The following FAH variants were observed in gnomAD, a reference collection of about 807,000 sequenced individuals.
The protein encoded by FAH is fumarylacetoacetase.
FAH carries 47 observed loss-of-function variants against 55.8 expected under a neutral mutation model. That is an observed-to-expected ratio of 0.84 (90% CI 0.67 to 1.07). The LOEUF is 1.07. Among genes scored for constraint, FAH ranks in the 50% least tolerant of loss-of-function variants. The pLI, the probability that FAH is intolerant of heterozygous loss-of-function variation, is 0.00. For missense variants in FAH, 495 were observed against 545.9 expected, an observed-to-expected ratio of 0.91 and a Z score of 0.93; for synonymous variants, 199 against 207.7, an observed-to-expected ratio of 0.96 and a Z score of 0.36.
At chr15:80,152,918 G>C, upstream of FAH, 1 of 707,330 alleles carries the variant, frequency 1.4e-6, no homozygotes, top group Non-Finnish European at 2.4e-6. Flanking sequence ...AGGAGCCTCC[G>C]GGGTCCCTGC....
At chr15:80,159,245 T>C (rs1490937712) in intron 2 of FAH, among the ~76,000 whole-genome samples, 1 of 151,786 alleles carries the variant, frequency 6.6e-6, no homozygotes, top group Non-Finnish European at 1.5e-5. Flanking sequence ...AAAACAACTT[T>C]TTTTTTTTAA....
At position 80,180,189 on chromosome 15, in the gene FAH, G is replaced by T; in HGVS notation, c.1026G>T (p.Pro342=). 6.2e-7 allele frequency: 1 copy of T among 1,609,298 alleles called. No individual in the cohort carries two copies. Among genetic ancestry groups the T allele is most frequent in the South Asian group, 1.1e-5 (1 of 91,062 alleles). The change falls in exon 12 of 14, where the codon CCG becomes CCT. Residue 342 remains proline (P), a synonymous_variant. Coordinates refer to ENST00000561421, the MANE Select transcript of FAH (RefSeq NM_000137.4). ...CTGTCAACGGCTGCAACCTGCGGCC[G>T]GGGGACCTCCTGGCTTCTGGGACCA... ...HHSVNGCNLR[P]GDLLASGTIS... is the part of the protein sequence containing the mutation.
At chr15:80,173,422 C>T in intron 9 of FAH, 1 of 536,286 alleles carries the variant, frequency 1.9e-6, no homozygotes, top group Non-Finnish European at 3.4e-6. Context: ...GGGGATCTGG[C>T]CAGTTGGCAG....
intron 1 of FAH, among the ~76,000 whole-genome samples, chr15:80,154,973 T>C (rs2041086242): frequency 6.6e-6 from 1 of 152,176 alleles, no homozygotes; most frequent in African/African-American, 2.4e-5. Flanking sequence ...TGGCCTCTGC[T>C]TTCTCCAGCC....
At position 80,173,090 on chromosome 15, in the gene FAH, G is replaced by A. The variant is rs777792671; in HGVS notation, c.783G>A (p.Pro261=). 1.2e-5 allele frequency: 20 copies of A among 1,614,042 alleles called. No homozygotes were observed. Among genetic ancestry groups the A allele is most frequent in the Non-Finnish European group, 1.6e-5 (19 of 1,179,984 alleles). ...AGAGTTTTGGGACCACTGTCTCTCC[G>A]TGGGTGGTGCCCATGGATGCTCTCA... ...LGKSFGTTVS[P]WVVPMDALMP... The change falls in exon 9 of 14, where the codon CCG becomes CCA. Residue 261 remains proline, a synonymous_variant. Coordinates refer to ENST00000561421, the MANE Select transcript of FAH (RefSeq NM_000137.4).
downstream of FAH, chr15:80,186,606 T>G: frequency 3.6e-6 from 1 of 278,226 alleles, no homozygotes; most frequent in Non-Finnish European, 7.0e-6. Context: ...ATTGATTGAT[T>G]GATTTTAAGC....
At chr15:80,172,959 T>C (rs745871490) in intron 8 of FAH, 55 bp from the exon 9 acceptor site, 378 of 1,613,670 alleles carry the variant, frequency 2.3e-4, no homozygotes, top group Non-Finnish European at 3.0e-4. Flanking sequence ...GAGGGGGTCG[T>C]TGGGAGATGC....
At position 80,160,285 on chromosome 15, in the gene FAH, C is replaced by T; in HGVS notation, c.315-125C>T. The T allele has an allele frequency of 3.1e-6, 3 of 979,636 alleles. No individual in the cohort carries two copies. The South Asian group carries it at 3.9e-5, about 13-fold the overall frequency. 60.7% of individuals were successfully genotyped at this position (979,636 alleles called of 1,614,324 possible). On this transcript the variant is annotated intron_variant, in intron 3 of 13. Coordinates refer to ENST00000561421, the MANE Select transcript of FAH (RefSeq NM_000137.4). ...GAAAGGTTCAGCATAGCTCTGGCCC[C>T]AGGCCAGCCAGAAGGTGCCCACTGG...
At chr15:80,183,882 A>G (rs889539687) in intron 13 of FAH, among the ~76,000 whole-genome samples, 1 of 152,222 alleles carries the variant, frequency 6.6e-6, no homozygotes. Context: ...TAAAGGGTAG[A>G]GCCAGGGTTT....
At chr15:80,158,361 G>C (rs1206221413) in intron 2 of FAH, among the ~76,000 whole-genome samples, 191 bp downstream of exon 2, 1 of 152,162 alleles carries the variant, frequency 6.6e-6, no homozygotes, top group Non-Finnish European at 1.5e-5. Flanking sequence ...GACAATTCAG[G>C]GTGGCTTCTC....
At chr15:80,161,787 G>A (rs1412167922) in intron 4 of FAH, among the ~76,000 whole-genome samples, 4 of 152,214 alleles carry the variant, frequency 2.6e-5, no homozygotes, top group Non-Finnish European at 4.4e-5. Flanking sequence ...GGGATTTGGA[G>A]GGGGAAGAGA....
intron 1 of FAH, 138 bp downstream of exon 1, chr15:80,153,273 C>G: frequency 2.7e-6 from 2 of 738,000 alleles, no homozygotes; most frequent in South Asian, 1.5e-5. Context: ...AAGATTCGTT[C>G]CGTGAGAGTG....
At chr15:80,175,531 C>A (rs1279361902) in intron 10 of FAH, among the ~76,000 whole-genome samples, 2 of 152,138 alleles carry the variant, frequency 1.3e-5, no homozygotes, top group African/African-American at 2.4e-5. Context: ...AGAGCCAGCG[C>A]ATCAAGACCC....
intron 13 of FAH, among the ~76,000 whole-genome samples, chr15:80,185,379 G>A (rs1006860993): frequency 2.6e-5 from 4 of 152,230 alleles, no homozygotes; most frequent in African/African-American, 9.6e-5. Context: ...CTGAGGTCTA[G>A]AGGGACCCAA....
intron 2 of FAH, 40 bp downstream of exon 2, chr15:80,158,210 C>T (rs1448566292): frequency 2.2e-6 from 3 of 1,371,528 alleles, no homozygotes; most frequent in Non-Finnish European, 3.1e-6. Flanking sequence ...ACCTCAGTGG[C>T]ACTTACTGTG....
upstream of FAH, chr15:80,152,929 T>C (rs2041063032): frequency 2.0e-5 from 15 of 754,920 alleles, no homozygotes; most frequent in South Asian, 2.0e-4. Context: ...GGGTCCCTGC[T>C]GTGTCACCCG....
chr15:80,172,950 A>AG, intron 8 of FAH, 64 bp from the exon 9 acceptor site: 2 of 1,611,432 alleles, frequency 1.2e-6, no homozygotes, highest in Middle Eastern at 1.7e-4. Flanking sequence ...CAAGGGCAGG[A>AG]GGGGGTCGTT....
intron 8 of FAH, 85 bp downstream of exon 8, chr15:80,172,333 T>C: frequency 9.8e-7 from 1 of 1,020,430 alleles, no homozygotes; most frequent in Non-Finnish European, 1.5e-6. Context: ...GAAGATCTGG[T>C]GCAGGTCAAA....
intron 7 of FAH, among the ~76,000 whole-genome samples, chr15:80,171,495 C>T (rs987983641): frequency 4.6e-5 from 7 of 152,168 alleles, no homozygotes; most frequent in Non-Finnish European, 8.8e-5. Flanking sequence ...GGGTCTTGCT[C>T]TGTCACCCAG....
Sources: gnomAD v4.1 joint callset for allele counts (sites outside exome capture counted in the v4.1 genomes callset) on GRCh38, gnomAD v4.1.1 for gene constraint, MANE v1.5 for transcripts, NCBI Gene and HGNC (gene_info 2026-07-23, HGNC 2026-07-21) for gene names.